Variants in ABCC6 observed in about 807,000 individuals in gnomAD.
ABCC6 encodes the protein ATP binding cassette subfamily C member 6.
In ABCC6, 126 loss-of-function variants were observed where a neutral mutation model predicts 169.5. The observed-to-expected ratio is 0.74, with a 90% confidence interval of 0.64 to 0.86. The LOEUF is 0.86. ABCC6 is among the 40% of genes least tolerant of loss of function. The probability of loss-of-function intolerance (pLI) is 0.00; values close to 1 mark genes in which losing one functional copy is unlikely to be tolerated. For synonymous variants in ABCC6, 752 were observed against 814.7 expected, an observed-to-expected ratio of 0.92 and a Z score of 1.31; for missense variants, 1,733 against 1,927.2, an observed-to-expected ratio of 0.90 and a Z score of 1.89.
intron 27 of ABCC6, among the ~76,000 whole-genome samples, 167 bp downstream of exon 27, chr16:16,157,496 G>A (rs542977866): frequency 6.6e-6 from 1 of 152,280 alleles, no homozygotes; most frequent in African/African-American, 2.4e-5. Flanking sequence ...GATGGAAGCA[G>A]GTTTGGGGAA....
intron 24 of ABCC6, among the ~76,000 whole-genome samples, 174 bp from the exon 25 acceptor site, chr16:16,161,738 A>G (rs2046726443): frequency 6.6e-6 from 1 of 152,108 alleles, no homozygotes; most frequent in Non-Finnish European, 1.5e-5. Context: ...TCCTGTCTCA[A>G]CTAAGCCCAC....
intron 6 of ABCC6, among the ~76,000 whole-genome samples, chr16:16,209,570 A>C (rs1269645647): frequency 1.3e-5 from 2 of 151,694 alleles, no homozygotes; most frequent in South Asian, 2.1e-4. Flanking sequence ...ATTGTAGAAG[A>C]AGCTTGAACT....
chr16:16,159,428 C>G (rs944125276), intron 26 of ABCC6, 54 bp downstream of exon 26: 6 of 1,300,620 alleles, frequency 4.6e-6, no homozygotes, highest in African/African-American at 3.3e-5. Context: ...GACCCATTGC[C>G]CCCCCCCACA....
intron 27 of ABCC6, chr16:16,155,769 T>C (rs988766326): frequency 1.3e-5 from 2 of 152,644 alleles, no homozygotes; most frequent in South Asian, 4.1e-4. Context: ...AACATGTGGG[T>C]CACCCCACTG....
Position 16,161,538 on chromosome 16 carries a change from AG to A in ABCC6, c.3532del (p.Leu1178TrpfsTer15). Reference protein sequence around the residue: ...DRWLAANVELLGNGLVFAAAT... With the variant: ...DRWLAANVELXGNGLVFAAAT... ...AGCTGCAAACACCAGGCCATTCCCC[AG>A]GAGCTCCACATTGGCCGCAAGCCAC... On this transcript the variant is annotated frameshift_variant, in exon 25 of 31. Coordinates refer to ENST00000205557, the MANE Select transcript of ABCC6 (RefSeq NM_001171.6). LOFTEE classifies it high-confidence loss of function. 1.2e-6 allele frequency: 2 copies of A among 1,613,958 alleles called. No homozygotes were observed. The highest frequency in any genetic ancestry group is 1.7e-6 in the Non-Finnish European group (2 of 1,180,016).
chr16:16,161,608 G>T lies in ABCC6; in HGVS notation c.3507-44C>A, dbSNP rs776449011. 4 of 1,612,782 alleles carry T rather than the reference G, an allele frequency of 2.5e-6. No homozygotes were observed. The African/African-American group carries it at 4.0e-5, about 16-fold the overall frequency. ...GCAGGGTGAGTGGTTACTCTCATCT[G>T]CAGGGAGATGCTTCTCTGGGCACAA... On this transcript the variant is annotated intron_variant, in intron 24 of 30. Coordinates refer to ENST00000205557, the MANE Select transcript of ABCC6 (RefSeq NM_001171.6).
chr16:16,187,210 G>A lies in ABCC6; in HGVS notation c.1781C>T (p.Ala594Val), dbSNP rs72653776. ...GACCAGACGGTCAAAGGACACCCGGGCCTAGGAAAACCGAAGCCGCAGGTC... is the reference window on the plus strand; with the variant it reads ...GACCAGACGGTCAAAGGACACCCGGACCTAGGAAAACCGAAGCCGCAGGTC... ...LPFSIHSLVQ[A>V]RVSFDRLVTF... Residue 594 changes from alanine (A) to valine (V), a missense_variant and splice_region_variant, in exon 14 of 31, where the codon GCC becomes GTC. By Grantham distance (64) the Ala-to-Val change is moderately conservative. Around this residue, in one of 5 missense-constraint regions of ABCC6, gnomAD observed 1,601 missense variants for 1,635.5 expected, o/e 0.98. Coordinates refer to ENST00000205557, the MANE Select transcript of ABCC6 (RefSeq NM_001171.6). 6 of 1,613,264 alleles carry A rather than the reference G, an allele frequency of 3.7e-6. No individual in the cohort carries two copies. The highest frequency in any genetic ancestry group is 4.2e-6 in the Non-Finnish European group (5 of 1,179,654).
chr16:16,182,504 G>C lies in ABCC6; in HGVS notation c.2155C>G (p.Pro719Ala). Residue 719 changes from proline to alanine, a missense_variant, in exon 17 of 31, where the codon CCA (proline) becomes GCA (alanine). By Grantham distance (27) the Pro-to-Ala change is conservative. Transcript: ENST00000205557. ...TCTAGTACTCTCTCCAGCCAGGGTG[G>C]GTCCAGCTCCTGCCCGAAGCACACA... is the stretch of plus-strand genomic sequence containing the variant. ...ENVCFGQELDPPWLERVLEAC... is the reference protein window; with the variant it reads ...ENVCFGQELDAPWLERVLEAC... 2 of 1,614,192 alleles carry C rather than the reference G, an allele frequency of 1.2e-6. No homozygotes were observed. Among genetic ancestry groups the C allele is most frequent in the Middle Eastern group, 3.3e-4 (2 of 6,062 alleles).
chr16:16,165,489 G>T (rs994070650), intron 23 of ABCC6, 134 bp downstream of exon 23: 152 of 912,248 alleles, frequency 1.7e-4, no homozygotes, highest in Non-Finnish European at 2.5e-4. Flanking sequence ...TAGTGTCCCT[G>T]TCCCTGGGAA....
chr16:16,169,999 C>T, intron 21 of ABCC6, 146 bp from the exon 22 acceptor site: 1 of 813,802 alleles, frequency 1.2e-6, no homozygotes, highest in South Asian at 1.5e-5. Context: ...CGCTGTGCCT[C>T]CCACCAGAAG....
intron 18 of ABCC6, among the ~76,000 whole-genome samples, chr16:16,178,251 C>T (rs1379844736): frequency 7.9e-5 from 12 of 152,032 alleles, no homozygotes; most frequent in East Asian, 7.8e-4. Context: ...GGCGTGAACC[C>T]GGGAGCCGGA....
chr16:16,208,301 G>C (rs1178437193), intron 7 of ABCC6, among the ~76,000 whole-genome samples: 1 of 152,180 alleles, frequency 6.6e-6, no homozygotes, highest in Non-Finnish European at 1.5e-5. Context: ...AGTGCCGCCA[G>C]AGTAGCGTTG....
chr16:16,194,272 G>T (rs777570891), intron 10 of ABCC6, among the ~76,000 whole-genome samples: 1 of 152,128 alleles, frequency 6.6e-6, no homozygotes, highest in East Asian at 1.9e-4. Flanking sequence ...TTCATCCCTC[G>T]CAAGGGTTGT....
At chr16:16,179,084 C>T in intron 17 of ABCC6, 119 bp from the exon 18 acceptor site, 1 of 1,161,138 alleles carries the variant, frequency 8.6e-7, no homozygotes, top group Non-Finnish European at 1.2e-6. Flanking sequence ...CTCAACATGC[C>T]TATTCCCTGG....
At chr16:16,174,934 T>A (rs12933315) in intron 20 of ABCC6, among the ~76,000 whole-genome samples, 111,108 of 149,330 alleles carry the variant, frequency 0.74, 43,573 homozygotes, top group South Asian at 0.93. Context: ...TTTTTTTTTT[T>A]AATTTACTTA....
At chr16:16,150,279 C>T (rs771404633) in intron 30 of ABCC6, 38 bp from the exon 31 acceptor site, 2 of 1,612,906 alleles carry the variant, frequency 1.2e-6, no homozygotes, top group East Asian at 2.2e-5. Flanking sequence ...TCTTTGGACA[C>T]CAGCCCAGGC....
chr16:16,193,403 TCTTTA>T (rs2047929823), intron 10 of ABCC6, among the ~76,000 whole-genome samples: 2 of 152,128 alleles, frequency 1.3e-5, no homozygotes, highest in African/African-American at 2.4e-5. Flanking sequence ...TTCTTTTAGA[TCTTTA>T]CTTTACTAAA....
chr16:16,198,114 C>T lies in ABCC6; in HGVS notation c.1245G>A (p.Val415=), dbSNP rs9940825. Residue 415 remains valine (V), a synonymous_variant, in exon 10 of 31, where the codon GTG becomes GTA. Transcript: ENST00000205557. The stretch of plus-strand genomic sequence containing the variant: ...CGCTCTCGGTCAGCCGCTGCACGTC[C>T]ACGGACACCAGATTGACCACATCAC... ...AVGDVVNLVS[V]DVQRLTESVL... 0.32 allele frequency: 520,718 copies of T among 1,611,634 alleles called. 87,433 individuals carry two copies. Among genetic ancestry groups the T allele is most frequent in the Non-Finnish European group, 0.35 (414,381 of 1,178,764 alleles).
rs72653790 is a variant in ABCC6 at position 16,178,884 on chromosome 16, C to T, written c.2329G>A (p.Asp777Asn). ...GCATCCAGGGCCGCCAGGGGGTCAT[C>T]CAGCAGGTACACAGCTGCCTTTCTG... ...VYRKAAVYLL[D>N]DPLAALDAHV... Residue 777 changes from aspartate to asparagine, a missense_variant, in exon 18 of 31, where the codon GAT becomes AAT. Coordinates refer to ENST00000205557, the MANE Select transcript of ABCC6 (RefSeq NM_001171.6). 5 of 1,613,880 alleles carry T rather than the reference C, an allele frequency of 3.1e-6. No individual in the cohort carries two copies. Among genetic ancestry groups the T allele is most frequent in the Non-Finnish European group, 4.2e-6 (5 of 1,180,034 alleles).
Sources: gnomAD v4.1 joint callset for allele counts (sites outside exome capture counted in the v4.1 genomes callset) on GRCh38, gnomAD v4.1.1 for gene constraint, gnomAD v4.1.1 regional missense constraint, MANE v1.5 for transcripts, NCBI Gene and HGNC (gene_info 2026-07-23, HGNC 2026-07-21) for gene names.